NEBL: variants seen among roughly 807,000 people sequenced by gnomAD.
NEBL encodes the protein LIM and SH3 protein 2.
NEBL carries 122 observed loss-of-function variants against 140.2 expected under a neutral mutation model. The observed-to-expected ratio is 0.87, with a 90% CI of 0.75 to 1.01. The LOEUF (loss-of-function observed/expected upper bound fraction) is 1.01, where lower values mean the gene tolerates loss of function less well. NEBL is among the 50% of genes least tolerant of loss of function. NEBL has a pLI of 0.00. For missense variants in NEBL, 1,365 were observed against 1,231.3 expected (o/e 1.11, Z -1.62); for synonymous variants, 436 against 398.9 (o/e 1.09, Z -1.11).
intron 1 of NEBL, among the ~76,000 whole-genome samples, chr10:21,282,266 G>C (rs1843002710): frequency 6.6e-6 from 1 of 152,202 alleles, no homozygotes; most frequent in African/African-American, 2.4e-5. Flanking sequence ...CGGGGGTAGA[G>C]AGCAGCAATC....
chr10:21,118,043 T>C (rs762261045), intron 2 of NEBL, among the ~76,000 whole-genome samples: 16 of 152,138 alleles, frequency 1.1e-4, no homozygotes, highest in Non-Finnish European at 1.5e-4. Flanking sequence ...AACATAGCCA[T>C]CATTATGATT....
At chr10:20,974,244 T>C (rs1836697564) in intron 3 of NEBL, among the ~76,000 whole-genome samples, 1 of 149,802 alleles carries the variant, frequency 6.7e-6, no homozygotes, top group East Asian at 2.2e-4. Context: ...CATCGCTTAG[T>C]TTTTTTTCTT....
intron 4 of NEBL, among the ~76,000 whole-genome samples, chr10:20,949,454 A>G (rs991971000): frequency 1.1e-4 from 17 of 152,328 alleles, no homozygotes; most frequent in African/African-American, 4.1e-4. Flanking sequence ...CCCAGAACGT[A>G]AAGTAAAAAA....
At chr10:20,830,118 G>A (rs897551303) in intron 16 of NEBL, among the ~76,000 whole-genome samples, 5 of 152,186 alleles carry the variant, frequency 3.3e-5, no homozygotes, top group East Asian at 1.9e-4. Context: ...TGTCGGCTGC[G>A]GAGGCTGAGA....
intron 16 of NEBL, 150 bp from the exon 17 acceptor site, chr10:20,828,784 G>GC: frequency 1.7e-6 from 1 of 579,850 alleles, no homozygotes. Context: ...AGAGAGAGAG[G>GC]TGGAGAGACA....
chr10:20,812,582 C>T (rs1838267177), intron 24 of NEBL, among the ~76,000 whole-genome samples, 187 bp downstream of exon 24: 1 of 151,270 alleles, frequency 6.6e-6, no homozygotes, highest in African/African-American at 2.4e-5. Flanking sequence ...GAGATGATAC[C>T]AGGTGAATGC....
chr10:21,280,619 C>CTTTTTTT (rs554320752), intron 1 of NEBL, among the ~76,000 whole-genome samples: 4 of 98,118 alleles, frequency 4.1e-5, no homozygotes, highest in Admixed American at 1.4e-4. Context: ...TTTCTTTTTC[C>CTTTTTTT]TTTTTTTTTT....
chr10:20,863,805 C>T (rs1001557616), intron 7 of NEBL, among the ~76,000 whole-genome samples: 1 of 152,056 alleles, frequency 6.6e-6, no homozygotes, highest in Non-Finnish European at 1.5e-5. Context: ...TATTATGCAA[C>T]TACTACAAAT....
At chr10:21,174,486 G>C (rs1273299531), upstream of NEBL, 1 of 152,534 alleles carries the variant, frequency 6.6e-6, no homozygotes, top group Non-Finnish European at 1.5e-5. Flanking sequence ...CCCCAGCCGG[G>C]GGCACCCTCA....
chr10:20,955,942 C>A (rs963009614), intron 4 of NEBL, among the ~76,000 whole-genome samples: 1 of 150,842 alleles, frequency 6.6e-6, no homozygotes, highest in African/African-American at 2.4e-5. Flanking sequence ...TGTGTTAATT[C>A]TTTTATTACC....
intron 2 of NEBL, among the ~76,000 whole-genome samples, chr10:21,089,420 G>A (rs1836802588): frequency 2.0e-5 from 3 of 152,166 alleles, no homozygotes; most frequent in East Asian, 1.9e-4. Context: ...ACTGGGACAC[G>A]CAGCATGGAG....
At chr10:21,152,375 C>A (rs1390369902) in intron 2 of NEBL, among the ~76,000 whole-genome samples, 1 of 152,208 alleles carries the variant, frequency 6.6e-6, no homozygotes, top group East Asian at 1.9e-4. Context: ...ACCTCCATTT[C>A]CCAAAGTTAT....
At chr10:21,034,227 G>C (rs571421958) in intron 2 of NEBL, among the ~76,000 whole-genome samples, 44 of 146,390 alleles carry the variant, frequency 3.0e-4, no homozygotes, top group Middle Eastern at 3.3e-3. Context: ...ATTACATTCA[G>C]GTATATATTT....
At chr10:20,799,276 A>C (rs117516140) in intron 26 of NEBL, among the ~76,000 whole-genome samples, 1 of 152,084 alleles carries the variant, frequency 6.6e-6, no homozygotes, top group Non-Finnish European at 1.5e-5. Flanking sequence ...CTGCCTCAGC[A>C]TCCTAAGTAG....
intron 4 of NEBL, among the ~76,000 whole-genome samples, chr10:20,917,509 C>A (rs185612696): frequency 1.3e-5 from 2 of 152,152 alleles, no homozygotes; most frequent in African/African-American, 2.4e-5. Flanking sequence ...TCAATGTATG[C>A]AAAAAGTCCG....
chr10:21,101,682 G>A (rs956751337), intron 2 of NEBL, among the ~76,000 whole-genome samples: 1 of 152,080 alleles, frequency 6.6e-6, no homozygotes, highest in Admixed American at 6.5e-5. Context: ...TAAATACTAT[G>A]TACCCCCACA....
chr10:20,830,734 CA>C (rs577547056), intron 16 of NEBL, among the ~76,000 whole-genome samples: 3,432 of 129,640 alleles, frequency 0.026, 117 homozygotes, highest in African/African-American at 0.079. Flanking sequence ...CCAATAGGGT[CA>C]AAAAAAAAAA....
intron 2 of NEBL, among the ~76,000 whole-genome samples, chr10:21,049,267 T>C (rs976557285): frequency 6.6e-6 from 1 of 152,188 alleles, no homozygotes; most frequent in Non-Finnish European, 1.5e-5. Flanking sequence ...ACATTGAACA[T>C]CACAGTGGCC....
intron 2 of NEBL, among the ~76,000 whole-genome samples, chr10:21,137,569 CA>C (rs1361903229): frequency 1.3e-5 from 2 of 152,202 alleles, no homozygotes; most frequent in Admixed American, 6.5e-5. Flanking sequence ...GAAATCCACT[CA>C]AGGTCTTGGT....
Sources: gnomAD v4.1 joint callset for allele counts (sites outside exome capture counted in the v4.1 genomes callset) on GRCh38, gnomAD v4.1.1 for gene constraint, MANE v1.5 for transcripts, NCBI Gene and HGNC (gene_info 2026-07-23, HGNC 2026-07-21) for gene names.